The following SYK variants were observed in gnomAD, a reference collection of about 807,000 sequenced individuals.
The protein encoded by SYK is tyrosine-protein kinase SYK.
SYK carries 16 observed loss-of-function variants against 77.8 expected under a neutral mutation model. The observed-to-expected ratio is 0.21, with a 90% confidence interval of 0.14 to 0.31. The LOEUF is 0.31. SYK is among the 10% of genes least tolerant of loss of function. The probability of loss-of-function intolerance (pLI) is 1.00; values close to 1 mark genes in which losing one functional copy is unlikely to be tolerated. For missense variants in SYK, 529 were observed against 814.4 expected, an observed-to-expected ratio of 0.65 and a Z score of 4.26; for synonymous variants, 312 against 308.7, an observed-to-expected ratio of 1.01 and a Z score of -0.11.
chr9:90,895,741 C>T lies in SYK; in HGVS notation c.*141C>T. ...GATGGAACATGCCCACAACTTGTCACCCAAAGCCTGTCCCAGGACTCACCC... is the reference window on the plus strand; with the variant it reads ...GATGGAACATGCCCACAACTTGTCATCCAAAGCCTGTCCCAGGACTCACCC... On this transcript the variant is annotated 3_prime_UTR_variant, in exon 14 of 14. Transcript: ENST00000375754. This position sits in a 1 kb window ranked among gnomAD's most constrained non-coding sequence, Gnocchi z 4.4. 2.7e-6 allele frequency: 2 copies of T among 737,086 alleles called. No homozygotes were observed. Among genetic ancestry groups the T allele is most frequent in the East Asian group, 5.4e-5 (2 of 37,290 alleles). 45.7% of individuals were successfully genotyped at this position (737,086 alleles called of 1,614,324 possible). A position where few individuals can be genotyped will look rare whatever the true frequency, so the allele number is the denominator to read the frequency against.
chr9:90,856,352 C>T (rs1186967630), intron 3 of SYK, among the ~76,000 whole-genome samples: 3 of 152,180 alleles, frequency 2.0e-5, no homozygotes, highest in Non-Finnish European at 2.9e-5. Flanking sequence ...TCAAATATTG[C>T]TCTCTGTTGT....
At chr9:90,873,151 T>C (rs1227706853) in intron 7 of SYK, among the ~76,000 whole-genome samples, 5 of 152,210 alleles carry the variant, frequency 3.3e-5, no homozygotes, top group African/African-American at 1.2e-4. Context: ...GCTTTTGGTT[T>C]CTCGCCTTGT....
intron 9 of SYK, among the ~76,000 whole-genome samples, chr9:90,875,277 A>C (rs1019484063): frequency 1.3e-5 from 2 of 151,744 alleles, no homozygotes; most frequent in African/African-American, 4.9e-5. Context: ...AACATAAAAA[A>C]TTAGCCAGAC....
intron 1 of SYK, among the ~76,000 whole-genome samples, chr9:90,821,285 C>T (rs1452418569): frequency 1.3e-5 from 2 of 152,158 alleles, no homozygotes; most frequent in Non-Finnish European, 2.9e-5. Context: ...CAGCAACACC[C>T]CACTCTTCTG....
chr9:90,862,474 A>G, intron 4 of SYK, 130 bp downstream of exon 4: 1 of 1,069,052 alleles, frequency 9.4e-7, no homozygotes, highest in Non-Finnish European at 1.3e-6. Context: ...GGCCAGCAGT[A>G]GCTCTGGAGC....
intron 1 of SYK, among the ~76,000 whole-genome samples, chr9:90,809,451 G>T (rs1045687533): frequency 2.0e-5 from 3 of 152,316 alleles, no homozygotes; most frequent in Admixed American, 2.0e-4. Context: ...CTGCCTAATT[G>T]GTGGGCAGGT....
intron 13 of SYK, among the ~76,000 whole-genome samples, chr9:90,892,217 G>A (rs1478089632): frequency 4.6e-5 from 7 of 152,166 alleles, no homozygotes. Flanking sequence ...TGGCTAGAAG[G>A]AGTAAATTTT....
chr9:90,803,441 T>C (rs1356578651), intron 1 of SYK, among the ~76,000 whole-genome samples: 1 of 152,196 alleles, frequency 6.6e-6, no homozygotes, highest in Non-Finnish European at 1.5e-5. Flanking sequence ...GATTTTATAA[T>C]AGTCTTAATA....
chr9:90,832,545 G>C (rs1464143325), intron 1 of SYK, among the ~76,000 whole-genome samples: 3 of 152,176 alleles, frequency 2.0e-5, no homozygotes, highest in Admixed American at 2.0e-4. Flanking sequence ...CACACACTGG[G>C]CTCAGCTCCT....
chr9:90,808,574 G>C (rs1273757754), intron 1 of SYK, among the ~76,000 whole-genome samples: 1 of 151,982 alleles, frequency 6.6e-6, no homozygotes, highest in Non-Finnish European at 1.5e-5. Context: ...AGGGCAGGAT[G>C]GGCCCATAAC....
At chr9:90,866,146 G>T (rs368660037) in intron 6 of SYK, among the ~76,000 whole-genome samples, 1 of 152,084 alleles carries the variant, frequency 6.6e-6, no homozygotes, top group African/African-American at 2.4e-5. Context: ...TGATCTGCCC[G>T]CCTCGGCCTC....
At chr9:90,865,606 G>T (rs926817442) in intron 6 of SYK, among the ~76,000 whole-genome samples, 1 of 152,078 alleles carries the variant, frequency 6.6e-6, no homozygotes, top group East Asian at 1.9e-4. Context: ...ACCACACTCT[G>T]CCTAGCCACA....
At chr9:90,891,098 A>G (rs2118990254) in intron 13 of SYK, among the ~76,000 whole-genome samples, 1 of 147,686 alleles carries the variant, frequency 6.8e-6, no homozygotes, top group Non-Finnish European at 1.5e-5. Flanking sequence ...CTAATCTTTT[A>G]TTATGCAGAT....
At chr9:90,806,402 TC>T (rs1474618268) in intron 1 of SYK, among the ~76,000 whole-genome samples, 1 of 151,968 alleles carries the variant, frequency 6.6e-6, no homozygotes, top group Non-Finnish European at 1.5e-5. Flanking sequence ...TTTTTTTTTT[TC>T]TTTTTCTTTT....
chr9:90,855,603 T>C (rs997092695), intron 3 of SYK, among the ~76,000 whole-genome samples: 1 of 152,118 alleles, frequency 6.6e-6, no homozygotes, highest in African/African-American at 2.4e-5. Flanking sequence ...TTCATTGGTT[T>C]ATCCTGCAGG....
chr9:90,864,025 C>T (rs1016524033), intron 4 of SYK, among the ~76,000 whole-genome samples: 9 of 152,138 alleles, frequency 5.9e-5, no homozygotes, highest in Admixed American at 2.0e-4. Flanking sequence ...TAGGAAACTA[C>T]GTCAAAAATG....
At chr9:90,815,003 G>T (rs1240745216) in intron 1 of SYK, among the ~76,000 whole-genome samples, 1 of 152,042 alleles carries the variant, frequency 6.6e-6, no homozygotes, top group Non-Finnish European at 1.5e-5. Flanking sequence ...ACTTGGTTCA[G>T]AATAGTTTCT....
intron 1 of SYK, among the ~76,000 whole-genome samples, chr9:90,823,641 A>G (rs1825586459): frequency 6.6e-6 from 1 of 152,228 alleles, no homozygotes; most frequent in South Asian, 2.1e-4. Context: ...ACAGACTTCT[A>G]TATAACCTAT....
At chr9:90,882,090 A>C (rs1828179685) in intron 11 of SYK, among the ~76,000 whole-genome samples, 1 of 152,226 alleles carries the variant, frequency 6.6e-6, no homozygotes, top group African/African-American at 2.4e-5. Context: ...TAGTTTTATG[A>C]CCAGAAAAAA....
Sources: allele counts gnomAD v4.1 joint callset (sites outside exome capture counted in the v4.1 genomes callset), GRCh38; gene constraint gnomAD v4.1.1; non-coding constraint Gnocchi (gnomAD v3.1); transcripts MANE v1.5; gene names NCBI Gene and HGNC (gene_info 2026-07-23, HGNC 2026-07-21).